Variants in LOXHD1 observed in about 807,000 individuals in gnomAD.
LOXHD1 encodes the protein lipoxygenase homology PLAT domains 1, also known as lipoxygenase homology domain-containing protein 1.
Under a neutral mutation model 248.2 loss-of-function variants are expected in LOXHD1, and 205 were observed. That is an observed-to-expected ratio of 0.83 (90% CI 0.74 to 0.93). The LOEUF (loss-of-function observed/expected upper bound fraction) is 0.93, where lower values mean the gene tolerates loss of function less well. Ranked by LOEUF, LOXHD1 falls within the 40% of genes least tolerant of loss-of-function variation. LOXHD1 has a pLI of 0.00. For missense variants in LOXHD1, 2,930 were observed against 2,971.6 expected, an observed-to-expected ratio of 0.99 and a Z score of 0.33; for synonymous variants, 1,113 against 1,162.8, an observed-to-expected ratio of 0.96 and a Z score of 0.87.
chr18:46,573,746 A>C (rs1323335532), intron 14 of LOXHD1, among the ~76,000 whole-genome samples: 1 of 152,170 alleles, frequency 6.6e-6, no homozygotes, highest in Non-Finnish European at 1.5e-5. Flanking sequence ...CCTCCTTCCC[A>C]AAACACAAGA....
intron 3 of LOXHD1, among the ~76,000 whole-genome samples, chr18:46,641,434 G>C (rs1182945489): frequency 3.3e-5 from 5 of 152,130 alleles, no homozygotes; most frequent in Non-Finnish European, 7.3e-5. Flanking sequence ...CCCCAGAGAG[G>C]GCAAGACTGC....
rs549033681 is a variant in LOXHD1 at position 46,538,141 on chromosome 18, G to T, written c.4095+15C>A. On this transcript the variant is annotated intron_variant, in intron 26 of 40. Transcript: ENST00000642948. ...GACCTACTCCATCCCTGGACAGCCTGCTGAGCCCAAGTACCTCTACGATGA... is the reference window on the plus strand; with the variant it reads ...GACCTACTCCATCCCTGGACAGCCTTCTGAGCCCAAGTACCTCTACGATGA... 2 of 1,524,522 alleles carry T rather than the reference G, an allele frequency of 1.3e-6. No homozygotes were observed. Among genetic ancestry groups the T allele is most frequent in the East Asian group, 2.5e-5 (1 of 40,184 alleles). 94.4% of individuals were successfully genotyped at this position (1,524,522 alleles called of 1,614,324 possible). A position where few individuals can be genotyped will look rare whatever the true frequency, so the allele number is the denominator to read the frequency against.
intron 12 of LOXHD1, among the ~76,000 whole-genome samples, chr18:46,582,269 G>A (rs2037978232): frequency 6.6e-6 from 1 of 151,982 alleles, no homozygotes; most frequent in African/African-American, 2.4e-5. Context: ...TACAATAATA[G>A]CATGAAGGAA....
chr18:46,627,603 A>G (rs2038760559), intron 4 of LOXHD1, among the ~76,000 whole-genome samples: 1 of 152,176 alleles, frequency 6.6e-6, no homozygotes, highest in Non-Finnish European at 1.5e-5. Flanking sequence ...CATTCTCCAA[A>G]CATTCTGGCT....
In LOXHD1 at chr18:46,504,138, C is replaced by A. The variant is rs955665071; in HGVS notation, c.5878+1700G>T. ...TGTTTTGTTTTGTTTTTTTTTGAGA[C>A]AGAGTCTCACTGTTACCCAGGCTGG... On this transcript the variant is annotated intron_variant, in intron 37 of 40. Coordinates refer to ENST00000642948, the MANE Select transcript of LOXHD1 (RefSeq NM_001384474.1). Among the ~76,000 whole-genome samples the A allele has an allele frequency of 2.5e-4, 38 of 152,092 alleles. 2 individuals carry two copies. The highest frequency in any genetic ancestry group is 2.0e-3 in the Admixed American group (30 of 15,296).
intron 5 of LOXHD1, among the ~76,000 whole-genome samples, chr18:46,615,120 A>G (rs1332608589): frequency 6.6e-6 from 1 of 152,192 alleles, no homozygotes; most frequent in East Asian, 1.9e-4. Context: ...CCTCTTTACT[A>G]TGCTAGAGGA....
intron 34 of LOXHD1, among the ~76,000 whole-genome samples, 192 bp from the exon 35 acceptor site, chr18:46,510,007 T>A (rs1479964180): frequency 1.3e-5 from 2 of 152,170 alleles, no homozygotes; most frequent in Non-Finnish European, 2.9e-5. Context: ...CTGGGTTAAG[T>A]GAGTTTGGCT....
chr18:46,629,550 T>C (rs909143613), intron 4 of LOXHD1, among the ~76,000 whole-genome samples: 11 of 151,972 alleles, frequency 7.2e-5, no homozygotes, highest in African/African-American at 2.7e-4. Flanking sequence ...CATTCTCCCC[T>C]CAAATGCACC....
intron 37 of LOXHD1, among the ~76,000 whole-genome samples, chr18:46,504,641 C>T (rs553260536): frequency 2.2e-4 from 33 of 152,280 alleles, no homozygotes; most frequent in African/African-American, 6.0e-4. Flanking sequence ...GTTTAATCCA[C>T]GTTAAAGCAA....
intron 4 of LOXHD1, among the ~76,000 whole-genome samples, chr18:46,622,851 C>G (rs1335112806): frequency 6.6e-6 from 1 of 152,208 alleles, no homozygotes; most frequent in Non-Finnish European, 1.5e-5. Flanking sequence ...GGCAGCACCG[C>G]TTCTGCAATC....
intron 14 of LOXHD1, among the ~76,000 whole-genome samples, chr18:46,572,523 G>T (rs1289193408): frequency 6.6e-6 from 1 of 152,174 alleles, no homozygotes; most frequent in Non-Finnish European, 1.5e-5. Flanking sequence ...ATGTGGATGG[G>T]ATGCAGTGAA....
At chr18:46,536,452 C>T (rs2036313404) in intron 26 of LOXHD1, among the ~76,000 whole-genome samples, 1 of 152,070 alleles carries the variant, frequency 6.6e-6, no homozygotes, top group African/African-American at 2.4e-5. Context: ...GAGACAAAGC[C>T]CTTTCATTTG....
At chr18:46,611,376 A>T (rs1483750453) in intron 5 of LOXHD1, among the ~76,000 whole-genome samples, 2 of 152,190 alleles carry the variant, frequency 1.3e-5, no homozygotes, top group African/African-American at 2.4e-5. Flanking sequence ...TGTTTAACAT[A>T]GTTTTGGGTT....
At chr18:46,625,937 A>G (rs577852157) in intron 4 of LOXHD1, among the ~76,000 whole-genome samples, 1 of 152,256 alleles carries the variant, frequency 6.6e-6, no homozygotes, top group African/African-American at 2.4e-5. Context: ...GTAGACTGCT[A>G]GTATTTATCT....
intron 3 of LOXHD1, among the ~76,000 whole-genome samples, chr18:46,641,291 A>C (rs1433620533): frequency 6.6e-6 from 1 of 152,216 alleles, no homozygotes; most frequent in Admixed American, 6.5e-5. Context: ...TCAGACCACA[A>C]ATGAACATCT....
intron 6 of LOXHD1, 55 bp downstream of exon 6, chr18:46,610,721 C>T: frequency 6.7e-7 from 1 of 1,494,426 alleles, no homozygotes; most frequent in Non-Finnish European, 8.9e-7. Context: ...CTCTGAAGAA[C>T]AAGAAGGCCC....
intron 5 of LOXHD1, among the ~76,000 whole-genome samples, chr18:46,617,488 T>C (rs1599052870): frequency 6.6e-6 from 1 of 152,146 alleles, no homozygotes; most frequent in African/African-American, 2.4e-5. Context: ...TAGTTAACAC[T>C]TTGGTTTTGA....
At chr18:46,598,559 A>C (rs2038292351) in intron 8 of LOXHD1, among the ~76,000 whole-genome samples, 1 of 152,114 alleles carries the variant, frequency 6.6e-6, no homozygotes, top group African/African-American at 2.4e-5. Flanking sequence ...CAGAAAAAAA[A>C]CAAAGAATTA....
intron 37 of LOXHD1, among the ~76,000 whole-genome samples, chr18:46,504,344 G>A (rs1186225854): frequency 2.0e-5 from 3 of 152,180 alleles, no homozygotes; most frequent in Admixed American, 1.3e-4. Context: ...GGGCTCAAGT[G>A]ATCTGCCTAC....
Sources: allele counts gnomAD v4.1 joint callset (sites outside exome capture counted in the v4.1 genomes callset), GRCh38; gene constraint gnomAD v4.1.1; transcripts MANE v1.5; gene names NCBI Gene and HGNC (gene_info 2026-07-23, HGNC 2026-07-21).